KLHL32: variants seen among roughly 807,000 people sequenced by gnomAD.
The protein encoded by KLHL32 is kelch-like protein 32.
A neutral mutation model predicts 64.8 loss-of-function variants in KLHL32; 35 were observed. That is an observed-to-expected ratio of 0.54 (90% CI 0.41 to 0.72). The LOEUF is 0.72. KLHL32 is among the 30% of genes least tolerant of loss of function. KLHL32 has a pLI of 0.00. For missense variants in KLHL32, 589 were observed against 768.5 expected (o/e 0.77, Z 2.76); for synonymous variants, 259 against 281.0 (o/e 0.92, Z 0.78).
chr6:96,980,217 G>A (rs990807081), intron 3 of KLHL32, among the ~76,000 whole-genome samples: 2 of 152,130 alleles, frequency 1.3e-5, no homozygotes, highest in Non-Finnish European at 2.9e-5. Context: ...GGAGTGCTGA[G>A]GGTAGCCATT....
chr6:97,039,822 A>AAAAC (rs60070457), intron 3 of KLHL32, among the ~76,000 whole-genome samples: 133,020 of 149,264 alleles, frequency 0.89, 59,594 homozygotes, highest in Non-Finnish European at 0.94. Flanking sequence ...TCCATCTCAA[A>AAAAC]AAACAAACAA....
the KLHL32 span, among the ~76,000 whole-genome samples, chr6:96,898,530 CG>C: frequency 1.3e-5 from 2 of 152,090 alleles, no homozygotes; most frequent in Admixed American, 6.5e-5. Flanking sequence ...CTAATGGTAT[CG>C]ATTTTAGTTA....
the KLHL32 span, among the ~76,000 whole-genome samples, chr6:96,908,884 C>T: frequency 2.0e-5 from 3 of 152,006 alleles, no homozygotes; most frequent in South Asian, 2.1e-4. Context: ...ACCAAAGCTT[C>T]GTACTTGTGC....
chr6:97,026,392 G>A (rs982315964), intron 3 of KLHL32, among the ~76,000 whole-genome samples: 2 of 151,922 alleles, frequency 1.3e-5, no homozygotes, highest in Non-Finnish European at 2.9e-5. Flanking sequence ...AAATTAACTC[G>A]AACATTTGGG....
chr6:97,123,727 T>G, intron 7 of KLHL32, among the ~76,000 whole-genome samples: 1 of 152,142 alleles, frequency 6.6e-6, no homozygotes, highest in East Asian at 1.9e-4. Context: ...AAACTGCCAA[T>G]CTATAAAATA....
chr6:97,131,564 T>C (rs1036582659), intron 9 of KLHL32, among the ~76,000 whole-genome samples: 2 of 152,144 alleles, frequency 1.3e-5, no homozygotes, highest in African/African-American at 4.8e-5. Flanking sequence ...TTACCCCTCA[T>C]GTTTCTTTAT....
At chr6:97,048,533 A>G (rs1786295627) in intron 4 of KLHL32, among the ~76,000 whole-genome samples, 1 of 152,242 alleles carries the variant, frequency 6.6e-6, no homozygotes, top group Non-Finnish European at 1.5e-5. Flanking sequence ...ATATTCATTC[A>G]GTCAGAGGTC....
intron 6 of KLHL32, among the ~76,000 whole-genome samples, chr6:97,103,270 G>A (rs866906034): frequency 1.2e-4 from 17 of 146,934 alleles, no homozygotes; most frequent in African/African-American, 4.1e-4. Context: ...CTGGAGTGCA[G>A]TGGTGCGATC....
chr6:96,902,948 GTGTC>G, the KLHL32 span, among the ~76,000 whole-genome samples: 1 of 152,080 alleles, frequency 6.6e-6, no homozygotes. Flanking sequence ...ATTGGCCTAT[GTGTC>G]TGTTCTTGTA....
chr6:97,097,318 A>T (rs944672832), intron 6 of KLHL32, among the ~76,000 whole-genome samples: 1 of 152,152 alleles, frequency 6.6e-6, no homozygotes, highest in Admixed American at 6.5e-5. Context: ...TGGCACAATT[A>T]TTCTGACCCT....
At chr6:97,023,806 G>T (rs1440755153) in intron 3 of KLHL32, among the ~76,000 whole-genome samples, 1 of 152,192 alleles carries the variant, frequency 6.6e-6, no homozygotes, top group Non-Finnish European at 1.5e-5. Flanking sequence ...AACCTAATGT[G>T]GTAACTGTGG....
At chr6:96,957,813 T>G (rs1773437688) in intron 1 of KLHL32, among the ~76,000 whole-genome samples, 1 of 152,234 alleles carries the variant, frequency 6.6e-6, no homozygotes, top group Non-Finnish European at 1.5e-5. Context: ...ACTAGATACC[T>G]TATCCTTATT....
intron 1 of KLHL32, among the ~76,000 whole-genome samples, chr6:96,944,632 G>T (rs1004717829): frequency 1.1e-4 from 17 of 152,152 alleles, no homozygotes; most frequent in Admixed American, 9.8e-4. Context: ...GGGGATGTAG[G>T]TTTACCTCTG....
At chr6:96,948,660 T>A (rs1772201653) in intron 1 of KLHL32, among the ~76,000 whole-genome samples, 1 of 152,102 alleles carries the variant, frequency 6.6e-6, no homozygotes. Context: ...TACACTTTTT[T>A]AAAAAACAAC....
intron 3 of KLHL32, among the ~76,000 whole-genome samples, chr6:97,004,891 G>T (rs1779471653): frequency 1.3e-5 from 2 of 151,874 alleles, no homozygotes; most frequent in South Asian, 4.2e-4. Context: ...TTTTGTTGTG[G>T]ATTTTTGCAT....
chr6:96,980,805 T>G (rs1364925245), intron 3 of KLHL32, among the ~76,000 whole-genome samples: 1 of 152,164 alleles, frequency 6.6e-6, no homozygotes, highest in East Asian at 1.9e-4. Flanking sequence ...ATGTTCAGGT[T>G]AATAGGTATA....
At chr6:96,973,741 T>A (rs1480877996) in intron 2 of KLHL32, among the ~76,000 whole-genome samples, 1 of 149,450 alleles carries the variant, frequency 6.7e-6, no homozygotes, top group Non-Finnish European at 1.5e-5. Context: ...TTTTTTTTTT[T>A]AGACAGAGTC....
chr6:96,987,050 G>T (rs987810497), intron 3 of KLHL32, among the ~76,000 whole-genome samples: 14 of 152,200 alleles, frequency 9.2e-5, no homozygotes, highest in Non-Finnish European at 1.9e-4. Flanking sequence ...GGGATCAGTG[G>T]TGATATCCCC....
chr6:96,974,052 G>A (rs1775434342), intron 2 of KLHL32, among the ~76,000 whole-genome samples: 1 of 151,914 alleles, frequency 6.6e-6, no homozygotes, highest in Non-Finnish European at 1.5e-5. Context: ...TAAGCAGGAG[G>A]AGGAATTACA....
Sources: gnomAD v4.1 joint callset for allele counts (sites outside exome capture counted in the v4.1 genomes callset) on GRCh38, gnomAD v4.1.1 for gene constraint, MANE v1.5 for transcripts, NCBI Gene and HGNC (gene_info 2026-07-23, HGNC 2026-07-21) for gene names.